HIPK1: variants seen among roughly 807,000 people sequenced by gnomAD.
HIPK1 encodes homeodomain-interacting protein kinase 1.
Under a neutral mutation model 117.1 loss-of-function variants are expected in HIPK1, and 28 were observed. The observed-to-expected ratio is 0.24, with a 90% CI of 0.18 to 0.33. HIPK1 has a LOEUF of 0.33. HIPK1 is among the 10% of genes least tolerant of loss of function. HIPK1 has a pLI of 1.00. For missense variants in HIPK1, 1,122 were observed against 1,475.1 expected (o/e 0.76, Z 3.92); for synonymous variants, 605 against 562.5 (o/e 1.08, Z -1.07).
chr1:113,954,224 A>G (rs1671559726), intron 3 of HIPK1, among the ~76,000 whole-genome samples: 1 of 152,090 alleles, frequency 6.6e-6, no homozygotes, highest in Non-Finnish European at 1.5e-5. Context: ...TGGCCTCCCA[A>G]AGTACTGGGA....
intron 10 of HIPK1, among the ~76,000 whole-genome samples, chr1:113,964,624 CT>C (rs1456675688): frequency 6.6e-6 from 1 of 152,222 alleles, no homozygotes; most frequent in Non-Finnish European, 1.5e-5. Context: ...AGTGAAAACA[CT>C]TCCAGAAACA....
rs1322435934 is a variant in HIPK1 at position 113,957,218 on chromosome 1, G to T, written c.1687G>T (p.Val563Phe). 1 of 1,613,798 alleles carries T rather than the reference G, an allele frequency of 6.2e-7. No individual in the cohort carries two copies. Among genetic ancestry groups the T allele is most frequent in the South Asian group, 1.1e-5 (1 of 91,080 alleles). Residue 563 changes from valine (V) to phenylalanine (F), a missense_variant, in exon 7 of 16, where the codon GTT becomes TTT. Val to Phe is a conservative substitution (Grantham distance 50). Around this residue, in one of 6 missense-constraint regions of HIPK1, gnomAD observed 731 missense variants for 860.4 expected, o/e 0.85. Transcript: ENST00000426820. ...GATCAAGAGTCCCTTCACTACACAT[G>T]TTGCCCCAAATACAAGCACAAATCT... Reference protein sequence around the residue: ...SQIKSPFTTHVAPNTSTNLTM... With the variant: ...SQIKSPFTTHFAPNTSTNLTM...
At chr1:113,963,159 G>T (rs921495889) in intron 9 of HIPK1, among the ~76,000 whole-genome samples, 1 of 152,156 alleles carries the variant, frequency 6.6e-6, no homozygotes, top group Non-Finnish European at 1.5e-5. Context: ...CCTGAATCTA[G>T]CCCAAGGAGG....
At chr1:113,934,351 T>TA (rs1242577304) in intron 1 of HIPK1, among the ~76,000 whole-genome samples, 1 of 152,226 alleles carries the variant, frequency 6.6e-6, no homozygotes, top group Non-Finnish European at 1.5e-5. Context: ...TTAATAAGAT[T>TA]ATTTGCCTAT....
rs1339872918 is a variant in HIPK1, at chr1:113,941,481, T to G, written c.1076+22T>G. ...ACAGGCAAGTGGCAAATGCTGAAAA[T>G]CGTATCTTAGGCTAGAGTTCTGTCC... On this transcript the variant is annotated intron_variant, in intron 2 of 15. Coordinates refer to ENST00000426820, the MANE Select transcript of HIPK1 (RefSeq NM_198268.3). This position sits in a 1 kb window ranked among gnomAD's most constrained non-coding sequence, Gnocchi z 4.9. The G allele has an allele frequency of 1.3e-6, 2 of 1,582,258 alleles. No homozygotes were observed. Among genetic ancestry groups the G allele is most frequent in the Non-Finnish European group, 1.7e-6 (2 of 1,156,300 alleles).
intron 10 of HIPK1, 21 bp downstream of exon 10, chr1:113,963,542 G>A (rs1472901100): frequency 5.0e-6 from 8 of 1,591,876 alleles, no homozygotes; most frequent in South Asian, 1.1e-5. Flanking sequence ...TCACTTGATT[G>A]TGTTACTAAC....
chr1:113,951,206 T>G (rs1671339815), intron 2 of HIPK1: 1 of 981,560 alleles, frequency 1.0e-6, no homozygotes, highest in Non-Finnish European at 1.2e-6. Context: ...TATTATTTTC[T>G]TTTTGAACCC....
Position 113,954,767 on chromosome 1 carries a change from T to G in HIPK1, c.1317T>G (p.Leu439=). Residue 439 remains leucine (L), a synonymous_variant, in exon 4 of 16, where the codon CTT becomes CTG. Coordinates refer to ENST00000426820, the MANE Select transcript of HIPK1 (RefSeq NM_198268.3). ...DPNLGYPLWR[L]KTPEEHELET... is the part of the protein sequence containing the mutation. ...ATTTGGGGTACCCACTGTGGAGGCT[T>G]AAGGTCTGTCTTCCCTACTATGCTT... 1 of 1,613,792 alleles carries G rather than the reference T, an allele frequency of 6.2e-7. No homozygotes were observed. The highest frequency in any genetic ancestry group is 1.7e-4 in the Middle Eastern group (1 of 6,056).
At chr1:113,951,711 A>G (rs796819697) in intron 2 of HIPK1, among the ~76,000 whole-genome samples, 10 of 152,092 alleles carry the variant, frequency 6.6e-5, no homozygotes, top group African/African-American at 2.2e-4. Flanking sequence ...CTTCACAACA[A>G]CTCTATGTGG....
intron 1 of HIPK1, among the ~76,000 whole-genome samples, chr1:113,930,204 T>A (rs984047434): frequency 6.6e-6 from 1 of 152,246 alleles, no homozygotes; most frequent in Non-Finnish European, 1.5e-5. Context: ...ACTTCTCGCC[T>A]GGGCGTGTTG....
Position 113,941,256 on chromosome 1 carries a change from C to T in HIPK1, c.873C>T (p.Tyr291=). Residue 291 remains tyrosine, a synonymous_variant, in exon 2 of 16, where the codon TAC becomes TAT. Coordinates refer to ENST00000426820, the MANE Select transcript of HIPK1 (RefSeq NM_198268.3). This position sits in a 1 kb window ranked among gnomAD's most constrained non-coding sequence, Gnocchi z 4.9. The part of the protein sequence containing the change: ...QNKFSPLPLK[Y]IRPILQQVAT... ...AATTTAGCCCACTGCCACTCAAGTACATCAGACCAATCTTGCAGCAGGTGG... is the reference window on the plus strand; with the variant it reads ...AATTTAGCCCACTGCCACTCAAGTATATCAGACCAATCTTGCAGCAGGTGG... The T allele has an allele frequency of 6.2e-7, 1 of 1,614,242 alleles. No homozygotes were observed. Among genetic ancestry groups the T allele is most frequent in the Middle Eastern group, 1.6e-4 (1 of 6,062 alleles).
rs183001371 is a variant in HIPK1, at chr1:113,943,334, C to T, written c.1076+1875C>T. Among the ~76,000 whole-genome samples the T allele has an allele frequency of 6.2e-4, 95 of 152,302 alleles. No homozygotes were observed. The South Asian group carries it at 7.9e-3, about 13-fold the overall frequency. The stretch of plus-strand genomic sequence containing the variant: ...GTAATCTTGATTTGACTTTCTGTCT[C>T]TATGAATTTGCCTATTCTAGATACT... On this transcript the variant is annotated intron_variant, in intron 2 of 15. Coordinates refer to ENST00000426820, the MANE Select transcript of HIPK1 (RefSeq NM_198268.3).
At position 113,975,860 on chromosome 1, in the gene HIPK1, T is replaced by A. The variant is rs1220262494; in HGVS notation, c.*2348T>A. 1 of 152,606 alleles carries A rather than the reference T, an allele frequency of 6.6e-6. No homozygotes were observed. Among genetic ancestry groups the A allele is most frequent in the Non-Finnish European group, 1.5e-5 (1 of 68,036 alleles). 9.5% of individuals were successfully genotyped at this position (152,606 alleles called of 1,614,324 possible). On this transcript the variant is annotated 3_prime_UTR_variant, in exon 16 of 16. Coordinates refer to ENST00000426820, the MANE Select transcript of HIPK1 (RefSeq NM_198268.3). ...CTCTCAGCTCCTGCATGGATCTGGG[T>A]CAAGTAGAAGGTACTGGGGATGGGG...
At chr1:113,931,065 C>G (rs1669860029) in intron 1 of HIPK1, among the ~76,000 whole-genome samples, 1 of 152,102 alleles carries the variant, frequency 6.6e-6, no homozygotes, top group Non-Finnish European at 1.5e-5. Context: ...GTGTGGCTTC[C>G]CGCTCTTGAT....
rs761635670 is a variant in HIPK1, at chr1:113,941,325, T to C, written c.942T>C (p.Ala314=). 1 of 1,614,234 alleles carries C rather than the reference T, an allele frequency of 6.2e-7. No individual in the cohort carries two copies. Among genetic ancestry groups the C allele is most frequent in the Admixed American group, 1.7e-5 (1 of 60,026 alleles). Reference sequence around the variant, plus strand: ...TCAAGAGTCTTGGTCTGATCCACGCTGACCTTAAGCCTGAAAACATCATGC... The same window carrying C: ...TCAAGAGTCTTGGTCTGATCCACGCCGACCTTAAGCCTGAAAACATCATGC... The part of the protein sequence containing the change: ...MKLKSLGLIH[A]DLKPENIMLV... Residue 314 remains alanine, a synonymous_variant, in exon 2 of 16, where the codon GCT becomes GCC. Transcript: ENST00000426820. This position sits in a 1 kb window ranked among gnomAD's most constrained non-coding sequence, Gnocchi z 4.9.
At chr1:113,958,965 C>T (rs187133652) in intron 8 of HIPK1, among the ~76,000 whole-genome samples, 3 of 151,968 alleles carry the variant, frequency 2.0e-5, no homozygotes, top group Non-Finnish European at 4.4e-5. Flanking sequence ...TTTCACATTC[C>T]CATCCTTCTT....
At chr1:113,972,174 C>T in intron 15 of HIPK1, 1 of 1,320,262 alleles carries the variant, frequency 7.6e-7, no homozygotes, top group Non-Finnish European at 1.0e-6. Context: ...CATCAGACCT[C>T]CCTAAGTCTA....
chr1:113,972,104 A>G, intron 15 of HIPK1, 150 bp downstream of exon 15: 2 of 1,586,156 alleles, frequency 1.3e-6, no homozygotes, highest in Admixed American at 3.7e-5. Flanking sequence ...GTCGTACCGC[A>G]TATGCTGTGT....
intron 2 of HIPK1, among the ~76,000 whole-genome samples, chr1:113,944,349 A>G (rs1352019348): frequency 6.6e-6 from 1 of 150,648 alleles, no homozygotes; most frequent in African/African-American, 2.4e-5. Flanking sequence ...TTTTTAGTAG[A>G]GATGGGGTTT....
Sources: gnomAD v4.1 joint callset for allele counts (sites outside exome capture counted in the v4.1 genomes callset) on GRCh38, gnomAD v4.1.1 for gene constraint, gnomAD v4.1.1 regional missense constraint, Gnocchi (gnomAD v3.1) non-coding constraint, MANE v1.5 for transcripts, NCBI Gene and HGNC (gene_info 2026-07-23, HGNC 2026-07-21) for gene names.